Variants in ANKS1B observed in about 807,000 individuals in gnomAD.
The protein encoded by ANKS1B is ankyrin repeat and sterile alpha motif domain containing 1B.
A neutral mutation model predicts 148.3 loss-of-function variants in ANKS1B; 36 were observed. That is an observed-to-expected ratio of 0.24 (90% CI 0.19 to 0.32). The LOEUF (loss-of-function observed/expected upper bound fraction) is 0.32, where lower values mean the gene tolerates loss of function less well. Ranked by LOEUF, ANKS1B falls within the 10% of genes least tolerant of loss-of-function variation. The pLI is 1.00. For synonymous variants in ANKS1B, 542 were observed against 560.8 expected (o/e 0.97, Z 0.47); for missense variants, 1,157 against 1,542.6 (o/e 0.75, Z 4.19).
chr12:99,083,171 G>A (rs2050425607), intron 16 of ANKS1B, among the ~76,000 whole-genome samples: 1 of 152,154 alleles, frequency 6.6e-6, no homozygotes. Flanking sequence ...TGTCAGTTGG[G>A]AAATTTCATC....
intron 9 of ANKS1B, among the ~76,000 whole-genome samples, chr12:99,593,600 C>A (rs1296349658): frequency 6.6e-6 from 1 of 151,930 alleles, no homozygotes; most frequent in Non-Finnish European, 1.5e-5. Flanking sequence ...TTGATTTCAA[C>A]AAATGATCCT....
chr12:99,470,986 A>T (rs1158856957), intron 10 of ANKS1B, among the ~76,000 whole-genome samples: 1 of 152,128 alleles, frequency 6.6e-6, no homozygotes, highest in Non-Finnish European at 1.5e-5. Flanking sequence ...TACATGTTAT[A>T]AAAGGAATAC....
chr12:99,712,877 G>A (rs187167984), intron 8 of ANKS1B, among the ~76,000 whole-genome samples: 7 of 150,036 alleles, frequency 4.7e-5, no homozygotes, highest in South Asian at 2.2e-4. Flanking sequence ...CTCTGGGCCC[G>A]TGGCTCTGCC....
At chr12:99,780,113 ACACATACACACACACATGCG>A (rs1408624733) in intron 5 of ANKS1B, 141 bp from the exon 6 acceptor site, 2 of 623,926 alleles carry the variant, frequency 3.2e-6, no homozygotes, top group African/African-American at 1.9e-5. Context: ...TTCTACACAC[ACACATACACACACACATGCG>A]CACACACACA....
intron 12 of ANKS1B, among the ~76,000 whole-genome samples, chr12:99,364,053 T>G (rs1291090537): frequency 1.3e-5 from 2 of 152,252 alleles, no homozygotes; most frequent in East Asian, 3.9e-4. Context: ...CCCACTTACA[T>G]GTAAATTGAC....
At chr12:98,904,593 A>G (rs187813900) in intron 17 of ANKS1B, among the ~76,000 whole-genome samples, 128 of 152,306 alleles carry the variant, frequency 8.4e-4, no homozygotes, top group East Asian at 1.9e-4. Context: ...AGCCCTTAAG[A>G]CTGGTTTCTC....
At chr12:99,388,373 G>T (rs2093951953) in intron 12 of ANKS1B, among the ~76,000 whole-genome samples, 1 of 152,164 alleles carries the variant, frequency 6.6e-6, no homozygotes, top group Non-Finnish European at 1.5e-5. Flanking sequence ...TGCATAAGTG[G>T]TTAAGTTGAG....
intron 17 of ANKS1B, among the ~76,000 whole-genome samples, chr12:98,933,877 G>C (rs1233060263): frequency 6.6e-6 from 1 of 151,644 alleles, no homozygotes; most frequent in African/African-American, 2.4e-5. Flanking sequence ...CTATTGAGTA[G>C]TAGGAATTCC....
At chr12:99,319,266 A>G (rs1335036368) in intron 12 of ANKS1B, among the ~76,000 whole-genome samples, 1 of 152,148 alleles carries the variant, frequency 6.6e-6, no homozygotes, top group African/African-American at 2.4e-5. Context: ...TAATGTTGAC[A>G]GTGGGGGGTT....
intron 14 of ANKS1B, among the ~76,000 whole-genome samples, chr12:99,231,668 T>G (rs182681829): frequency 5.1e-4 from 77 of 152,186 alleles, no homozygotes; most frequent in African/African-American, 1.5e-3. Context: ...AAAAAATGTT[T>G]CCCTAGAGTT....
chr12:98,777,805 T>C (rs1405943327), intron 24 of ANKS1B, among the ~76,000 whole-genome samples: 1 of 152,194 alleles, frequency 6.6e-6, no homozygotes, highest in Admixed American at 6.5e-5. Context: ...TTATTTATTA[T>C]AATCAAAGGA....
intron 17 of ANKS1B, among the ~76,000 whole-genome samples, chr12:98,911,696 G>A (rs1030320292): frequency 5.9e-5 from 9 of 152,124 alleles, no homozygotes; most frequent in South Asian, 2.1e-4. Flanking sequence ...TACAGCCACC[G>A]GGTGTGCTGG....
intron 17 of ANKS1B, among the ~76,000 whole-genome samples, chr12:98,930,838 G>C (rs1473020734): frequency 6.6e-6 from 1 of 152,086 alleles, no homozygotes; most frequent in Non-Finnish European, 1.5e-5. Context: ...AACTCTGTGA[G>C]TACACGAAAA....
chr12:98,766,345 C>T (rs895649326), intron 25 of ANKS1B, among the ~76,000 whole-genome samples: 7 of 152,180 alleles, frequency 4.6e-5, no homozygotes, highest in African/African-American at 1.4e-4. Context: ...CCATCAGGGC[C>T]ATTTGCTCCT....
At chr12:98,799,256 A>G (rs913483433) in intron 21 of ANKS1B, among the ~76,000 whole-genome samples, 9 of 152,162 alleles carry the variant, frequency 5.9e-5, no homozygotes, top group African/African-American at 2.2e-4. Flanking sequence ...TAAAGATGCC[A>G]TCTTTCAAAT....
At chr12:99,675,915 GTTTCAT>G (rs1451322490) in intron 8 of ANKS1B, among the ~76,000 whole-genome samples, 1 of 152,098 alleles carries the variant, frequency 6.6e-6, no homozygotes, top group Non-Finnish European at 1.5e-5. Flanking sequence ...GCATGATTCT[GTTTCAT>G]TTTTATAGTG....
At chr12:99,779,993 C>T (rs1474871847) in intron 5 of ANKS1B, 21 bp from the exon 6 acceptor site, 2 of 1,522,186 alleles carry the variant, frequency 1.3e-6, no homozygotes, top group African/African-American at 2.7e-5. Flanking sequence ...AAGAAAAACT[C>T]ACTAGATATA....
At chr12:99,641,827 C>T (rs1050647297) in intron 9 of ANKS1B, among the ~76,000 whole-genome samples, 4 of 151,922 alleles carry the variant, frequency 2.6e-5, no homozygotes, top group Non-Finnish European at 4.4e-5. Flanking sequence ...CACTATACAC[C>T]CTTATTGTTG....
At chr12:99,095,689 A>G (rs1420950325) in intron 15 of ANKS1B, among the ~76,000 whole-genome samples, 1 of 152,220 alleles carries the variant, frequency 6.6e-6, no homozygotes, top group Non-Finnish European at 1.5e-5. Flanking sequence ...TAGAGGTTAT[A>G]ATGGAGGCAA....
Sources: gnomAD v4.1 joint callset for allele counts (sites outside exome capture counted in the v4.1 genomes callset) on GRCh38, gnomAD v4.1.1 for gene constraint, MANE v1.5 for transcripts, NCBI Gene and HGNC (gene_info 2026-07-23, HGNC 2026-07-21) for gene names.